Variants in CABIN1 observed in about 807,000 individuals in gnomAD.
CABIN1 encodes calcineurin-binding protein cabin-1.
In CABIN1, 133 loss-of-function variants were observed where a neutral mutation model predicts 227.7. The observed-to-expected ratio is 0.58, with a 90% CI of 0.51 to 0.67. The LOEUF (loss-of-function observed/expected upper bound fraction) is 0.67, where lower values mean the gene tolerates loss of function less well. Ranked by LOEUF, CABIN1 falls within the 30% of genes least tolerant of loss-of-function variation. The probability of loss-of-function intolerance (pLI) is 0.00; values close to 1 mark genes in which losing one functional copy is unlikely to be tolerated. For synonymous variants in CABIN1, 1,086 were observed against 1,155.1 expected (o/e 0.94, Z 1.21); for missense variants, 2,408 against 2,852.5 (o/e 0.84, Z 3.55).
chr22:24,033,505 T>C (rs961938239), intron 1 of CABIN1, among the ~76,000 whole-genome samples: 1 of 152,230 alleles, frequency 6.6e-6, no homozygotes, highest in Non-Finnish European at 1.5e-5. Context: ...ATGTTCAATC[T>C]GTCTGTTTGA....
chr22:24,136,341 TC>T (rs1214590204), intron 29 of CABIN1, among the ~76,000 whole-genome samples: 11 of 141,854 alleles, frequency 7.8e-5, no homozygotes, highest in African/African-American at 2.9e-4. Flanking sequence ...TACCTAGCCA[TC>T]CCTCCTTTTT....
intron 10 of CABIN1, 99 bp downstream of exon 10, chr22:24,056,459 T>G: frequency 8.5e-7 from 1 of 1,173,950 alleles, no homozygotes; most frequent in Non-Finnish European, 1.3e-6. Context: ...TCTTCTCTGG[T>G]CTCCTCCTCT....
intron 6 of CABIN1, among the ~76,000 whole-genome samples, chr22:24,043,913 A>G (rs2037636112): frequency 6.6e-6 from 1 of 152,254 alleles, no homozygotes. Flanking sequence ...TATAGGACAA[A>G]CATTTCCATT....
chr22:24,032,112 A>C (rs2036541218), intron 1 of CABIN1, among the ~76,000 whole-genome samples: 1 of 152,206 alleles, frequency 6.6e-6, no homozygotes, highest in South Asian at 2.1e-4. Flanking sequence ...CATCTTGAAA[A>C]GTTGAAATGC....
intron 28 of CABIN1, among the ~76,000 whole-genome samples, chr22:24,128,759 G>A (rs1476156647): frequency 6.6e-6 from 1 of 152,230 alleles, no homozygotes; most frequent in East Asian, 1.9e-4. Context: ...GTGAAGGGCT[G>A]AACACAGCTG....
intron 19 of CABIN1, among the ~76,000 whole-genome samples, chr22:24,080,112 T>C (rs1238381358): frequency 1.3e-5 from 2 of 152,350 alleles, no homozygotes; most frequent in Admixed American, 1.3e-4. Context: ...ATTTTATTTT[T>C]GTTAAAAGAT....
At chr22:24,168,240 A>G (rs916201743) in intron 32 of CABIN1, among the ~76,000 whole-genome samples, 1 of 152,216 alleles carries the variant, frequency 6.6e-6, no homozygotes, top group Admixed American at 6.5e-5. Context: ...TGCCCCTGCT[A>G]CCCACGAAGA....
At chr22:24,166,523 G>A (rs1268458402) in intron 31 of CABIN1, 116 bp from the exon 32 acceptor site, 11 of 1,283,032 alleles carry the variant, frequency 8.6e-6, no homozygotes, top group East Asian at 2.3e-5. Flanking sequence ...GCAGATGTCC[G>A]GAGCCACACA....
At chr22:24,117,021 C>A (rs2043126300) in intron 27 of CABIN1, among the ~76,000 whole-genome samples, 1 of 152,194 alleles carries the variant, frequency 6.6e-6, no homozygotes, top group Non-Finnish European at 1.5e-5. Flanking sequence ...GACATCCTGG[C>A]CGGGAAACGT....
At chr22:24,068,078 C>T (rs779731993) in intron 16 of CABIN1, among the ~76,000 whole-genome samples, 2 of 152,096 alleles carry the variant, frequency 1.3e-5, no homozygotes, top group African/African-American at 4.8e-5. Flanking sequence ...ACAGATTGCA[C>T]GAAGCATTTT....
intron 1 of CABIN1, among the ~76,000 whole-genome samples, chr22:24,027,736 T>G (rs1466466900): frequency 3.3e-5 from 5 of 152,258 alleles, no homozygotes; most frequent in Non-Finnish European, 5.9e-5. Flanking sequence ...CCCTTCTGCC[T>G]TCCACCACGC....
intron 22 of CABIN1, 59 bp downstream of exon 22, chr22:24,085,210 T>C (rs753164335): frequency 9.4e-6 from 15 of 1,592,442 alleles, no homozygotes; most frequent in African/African-American, 1.3e-5. Flanking sequence ...TGACTCCAGC[T>C]CAGCAAGCTC....
chr22:24,132,544 G>T (rs1213110880), intron 28 of CABIN1, among the ~76,000 whole-genome samples: 3 of 152,142 alleles, frequency 2.0e-5, no homozygotes, highest in Non-Finnish European at 2.9e-5. Flanking sequence ...CCAAAGCCTG[G>T]CTGCCAGGCA....
chr22:24,050,764 A>C, intron 7 of CABIN1, 61 bp from the exon 8 acceptor site: 2 of 1,604,408 alleles, frequency 1.2e-6, no homozygotes, highest in Non-Finnish European at 1.7e-6. Context: ...TTGTGTGTAA[A>C]ATTTCAGCCT....
At chr22:24,098,572 A>G (rs1365585209) in intron 26 of CABIN1, among the ~76,000 whole-genome samples, 1 of 152,162 alleles carries the variant, frequency 6.6e-6, no homozygotes, top group African/African-American at 2.4e-5. Flanking sequence ...TGATGCCTGC[A>G]TTGTTCAGCA....
intron 29 of CABIN1, among the ~76,000 whole-genome samples, chr22:24,160,660 G>T (rs918566333): frequency 6.6e-6 from 1 of 152,260 alleles, no homozygotes; most frequent in African/African-American, 2.4e-5. Flanking sequence ...GCTCCCCTGA[G>T]ACCACAGTGT....
Position 24,054,971 on chromosome 22 carries a change from A to G in CABIN1, c.905A>G (p.Asp302Gly), listed in dbSNP as rs1176197597. The G allele has an allele frequency of 6.2e-7, 1 of 1,614,072 alleles. No individual in the cohort carries two copies. The highest frequency in any genetic ancestry group is 2.2e-5 in the East Asian group (1 of 44,892). ...PSLGKRIDLS[D>G]YQDPSQPLES... ...CTTGGCAAAAGGATTGATTTGTCGG[A>G]CTACCAGGACCCCAGCCAGCCTCTT... Residue 302 changes from aspartate to glycine, a missense_variant, in exon 9 of 37, where the codon GAC becomes GGC. This residue lies in a region of CABIN1 where 1,045 missense variants were observed against 1,168.4 expected (regional missense o/e 0.89). Transcript: ENST00000263119.
chr22:24,048,358 C>G (rs2038056280), intron 6 of CABIN1, among the ~76,000 whole-genome samples: 2 of 152,088 alleles, frequency 1.3e-5, no homozygotes, highest in Non-Finnish European at 2.9e-5. Flanking sequence ...GCTTGGCAAC[C>G]TATTGTGTGG....
intron 11 of CABIN1, 130 bp from the exon 12 acceptor site, chr22:24,059,794 C>A: frequency 1.2e-6 from 1 of 827,774 alleles, no homozygotes; most frequent in South Asian, 1.4e-5. Flanking sequence ...AGCACCACAA[C>A]GTGGTATCAT....
Sources: gnomAD v4.1 joint callset for allele counts (sites outside exome capture counted in the v4.1 genomes callset) on GRCh38, gnomAD v4.1.1 for gene constraint, gnomAD v4.1.1 regional missense constraint, MANE v1.5 for transcripts, NCBI Gene and HGNC (gene_info 2026-07-23, HGNC 2026-07-21) for gene names.